GTF2B: variants seen among roughly 807,000 people sequenced by gnomAD.
GTF2B encodes the protein general transcription factor IIB, also known as transcription initiation factor IIB.
Under a neutral mutation model 34.6 loss-of-function variants are expected in GTF2B, and 20 were observed. That is an observed-to-expected ratio of 0.58 (90% CI 0.41 to 0.84). The LOEUF (loss-of-function observed/expected upper bound fraction) is 0.84. Among genes scored for constraint, GTF2B ranks in the 40% least tolerant of loss-of-function variants. The probability of loss-of-function intolerance (pLI) is 0.00; values close to 1 mark genes in which losing one functional copy is unlikely to be tolerated. For missense variants in GTF2B, 237 were observed against 393.3 expected (o/e 0.60, Z 3.36); for synonymous variants, 142 against 132.4 (o/e 1.07, Z -0.50).
intron 5 of GTF2B, among the ~76,000 whole-genome samples, chr1:88,859,015 G>A (rs147403208): frequency 0.011 from 1,691 of 151,812 alleles, 33 homozygotes; most frequent in African/African-American, 0.038. Flanking sequence ...CTACAGGCGC[G>A]CACCACCACG....
chr1:88,862,404 T>C (rs1424227870), intron 3 of GTF2B, among the ~76,000 whole-genome samples: 5 of 152,156 alleles, frequency 3.3e-5, no homozygotes, highest in Non-Finnish European at 7.3e-5. Flanking sequence ...TAGCCATGTG[T>C]CGTGGCCCAC....
chr1:88,875,439 T>C (rs899078586), intron 2 of GTF2B, among the ~76,000 whole-genome samples: 1 of 152,186 alleles, frequency 6.6e-6, no homozygotes, highest in African/African-American at 2.4e-5. Flanking sequence ...ACATTTCAAT[T>C]TTCCTCAAAT....
intron 3 of GTF2B, among the ~76,000 whole-genome samples, chr1:88,860,834 T>C (rs184458610): frequency 1.4e-4 from 21 of 152,304 alleles, no homozygotes; most frequent in Admixed American, 1.1e-3. Flanking sequence ...AAGAAAGTAC[T>C]ATGATTAATG....
intron 3 of GTF2B, among the ~76,000 whole-genome samples, chr1:88,861,998 A>C (rs1673450403): frequency 6.6e-6 from 1 of 152,236 alleles, no homozygotes; most frequent in Non-Finnish European, 1.5e-5. Context: ...TCAACTCCAA[A>C]GGTACAAAAA....
intron 2 of GTF2B, among the ~76,000 whole-genome samples, chr1:88,877,909 C>T (rs1229023381): frequency 4.0e-5 from 6 of 151,512 alleles, no homozygotes; most frequent in African/African-American, 1.2e-4. Context: ...CCTGCCTGGG[C>T]GACAGAGCGA....
chr1:88,872,455 TAAAAAAAAAAAA>T (rs34668666), intron 2 of GTF2B, among the ~76,000 whole-genome samples: 2 of 74,836 alleles, frequency 2.7e-5, no homozygotes, highest in South Asian at 1.4e-3. Flanking sequence ...TCCATCTCAA[TAAAAAAAAAAAA>T]AAAAAAAAAA....
At chr1:88,869,519 T>C (rs1673638952) in intron 2 of GTF2B, among the ~76,000 whole-genome samples, 1 of 152,138 alleles carries the variant, frequency 6.6e-6, no homozygotes, top group Non-Finnish European at 1.5e-5. Context: ...TCATACTATA[T>C]GATTTCATTC....
chr1:88,864,361 C>T (rs898339928), intron 2 of GTF2B, among the ~76,000 whole-genome samples: 1 of 151,964 alleles, frequency 6.6e-6, no homozygotes, highest in Non-Finnish European at 1.5e-5. Flanking sequence ...AAGTATTAGT[C>T]AAAAGTAGCA....
Position 88,859,752 on chromosome 1 carries a change from C to T in GTF2B, c.535+130G>A, listed in dbSNP as rs954976476. 4.2e-6 allele frequency: 3 copies of T among 714,956 alleles called. No homozygotes were observed. The African/African-American group carries it at 5.3e-5, about 13-fold the overall frequency. The allele number at this position is 714,956 out of a possible 1,614,324, so 44.3% of individuals were successfully genotyped here. A position where few individuals can be genotyped will look rare whatever the true frequency, so the allele number is the denominator to read the frequency against. On this transcript the variant is annotated intron_variant, in intron 5 of 6. Coordinates refer to ENST00000370500, the MANE Select transcript of GTF2B (RefSeq NM_001514.6). Reference sequence around the variant, plus strand: ...TCAGGAGGCTGAGGCAGGAGTATAGCTTGAACCTGGGAGGCAGAGGTTGCA... The same window carrying T: ...TCAGGAGGCTGAGGCAGGAGTATAGTTTGAACCTGGGAGGCAGAGGTTGCA...
intron 6 of GTF2B, among the ~76,000 whole-genome samples, chr1:88,855,012 C>T (rs17130637): frequency 0.024 from 3,688 of 152,294 alleles, 96 homozygotes; most frequent in South Asian, 0.069. Flanking sequence ...AAGAGAAAGA[C>T]CTTACATTTG....
chr1:88,860,351 T>C, intron 3 of GTF2B, 65 bp from the exon 4 acceptor site: 1 of 1,130,402 alleles, frequency 8.8e-7, no homozygotes, highest in South Asian at 1.3e-5. Context: ...ACAATTTCTA[T>C]GAAAATATAG....
intron 2 of GTF2B, among the ~76,000 whole-genome samples, chr1:88,882,231 A>T (rs996457781): frequency 1.5e-4 from 22 of 142,178 alleles, no homozygotes; most frequent in Middle Eastern, 8.3e-3. Flanking sequence ...AATCGCTTGA[A>T]CCCCGGAGGC....
chr1:88,869,040 G>C (rs1673627616), intron 2 of GTF2B, among the ~76,000 whole-genome samples: 1 of 152,036 alleles, frequency 6.6e-6, no homozygotes, highest in Non-Finnish European at 1.5e-5. Context: ...CGCCCGGCCT[G>C]TATCTGTGTA....
intron 2 of GTF2B, among the ~76,000 whole-genome samples, chr1:88,866,344 T>C (rs905939062): frequency 2.6e-5 from 4 of 152,192 alleles, no homozygotes; most frequent in Non-Finnish European, 5.9e-5. Flanking sequence ...AGGGAGACCC[T>C]GTCTAAAGTA....
At chr1:88,879,134 T>C (rs1673874590) in intron 2 of GTF2B, among the ~76,000 whole-genome samples, 1 of 152,132 alleles carries the variant, frequency 6.6e-6, no homozygotes, top group South Asian at 2.1e-4. Context: ...TTGCCTCTTG[T>C]TTTCAGATTG....
chr1:88,890,157 T>G, intron 1 of GTF2B, among the ~76,000 whole-genome samples: 1 of 141,350 alleles, frequency 7.1e-6, no homozygotes, highest in East Asian at 2.0e-4. Flanking sequence ...ATGATAGAAT[T>G]AAAAAAAAAA....
chr1:88,887,394 A>T, intron 1 of GTF2B, 27 bp from the exon 2 acceptor site: 1 of 1,319,620 alleles, frequency 7.6e-7, no homozygotes, highest in Non-Finnish European at 1.1e-6. Flanking sequence ...GTATTTTTAC[A>T]TCTTCCCAAC....
intron 5 of GTF2B, 48 bp downstream of exon 5, chr1:88,859,834 T>TCAAA (rs376654402): frequency 1.4e-4 from 213 of 1,571,120 alleles, no homozygotes; most frequent in Middle Eastern, 6.7e-4. Flanking sequence ...AGACCCTATC[T>TCAAA]CAAACAAACA....
intron 2 of GTF2B, among the ~76,000 whole-genome samples, chr1:88,883,099 T>C (rs972641265): frequency 6.6e-6 from 1 of 152,250 alleles, no homozygotes; most frequent in African/African-American, 2.4e-5. Context: ...ACATTACTTA[T>C]GATTCAAATG....
Sources: gnomAD v4.1 joint callset for allele counts (sites outside exome capture counted in the v4.1 genomes callset) on GRCh38, gnomAD v4.1.1 for gene constraint, MANE v1.5 for transcripts, NCBI Gene and HGNC (gene_info 2026-07-23, HGNC 2026-07-21) for gene names.